The following SOX5 variants were observed in gnomAD, a reference collection of about 807,000 sequenced individuals.
SOX5 encodes transcription factor SOX-5.
A neutral mutation model predicts 92.0 loss-of-function variants in SOX5; 9 were observed. The observed-to-expected ratio is 0.10, with a 90% CI of 0.06 to 0.17. SOX5 has a LOEUF of 0.17. Ranked by LOEUF, SOX5 falls within the 10% of genes least tolerant of loss-of-function variation. The pLI is 1.00. For missense variants in SOX5, 642 were observed against 944.5 expected (o/e 0.68, Z 4.20); for synonymous variants, 344 against 336.3 (o/e 1.02, Z -0.25).
chr12:23,877,716 C>T (rs1453126634), intron 2 of SOX5, among the ~76,000 whole-genome samples: 1 of 152,018 alleles, frequency 6.6e-6, no homozygotes. Flanking sequence ...GAATTGCTTT[C>T]TAAATTGATT....
At chr12:23,571,413 A>T (rs143070101) in intron 10 of SOX5, among the ~76,000 whole-genome samples, 2 of 152,254 alleles carry the variant, frequency 1.3e-5, no homozygotes, top group African/African-American at 4.8e-5. Context: ...AATATGTCCC[A>T]AAGATATGCT....
chr12:23,795,236 A>G (rs1030044233), intron 3 of SOX5, among the ~76,000 whole-genome samples: 3 of 151,874 alleles, frequency 2.0e-5, no homozygotes, highest in African/African-American at 7.2e-5. Flanking sequence ...ATTTTTAAAA[A>G]CGGTAGATTC....
At position 24,102,240 on chromosome 12, in the gene SOX5, C is replaced by G. The variant is rs118122033; in HGVS notation, c.-2+111103G>C. On this transcript the variant is annotated intron_variant, in intron 4 of 4. Coordinates refer to the SOX5 transcript ENST00000446891. ...ATTGTGTCTTTTAACAGCTCATTGA[C>G]TAGAGGAGGAAAAAGTGATGGCAGT... is the stretch of plus-strand genomic sequence containing the variant. Among the ~76,000 whole-genome samples the G allele has an allele frequency of 3.4e-3, 523 of 152,164 alleles. 6 individuals carry two copies. Among genetic ancestry groups the G allele is most frequent in the East Asian group, 0.029 (149 of 5,172 alleles).
chr12:24,054,907 A>G (rs1217909982), intron 4 of SOX5, among the ~76,000 whole-genome samples: 6 of 152,192 alleles, frequency 3.9e-5, no homozygotes, highest in East Asian at 1.9e-4. Context: ...ACCAGTTACA[A>G]CTGTTATTTG....
intron 4 of SOX5, among the ~76,000 whole-genome samples, chr12:24,135,466 A>G (rs188803585): frequency 9.2e-5 from 14 of 152,338 alleles, no homozygotes; most frequent in Non-Finnish European, 1.8e-4. Flanking sequence ...TTAGCTGATT[A>G]GCCTTTTACA....
intron 4 of SOX5, among the ~76,000 whole-genome samples, chr12:24,009,146 C>G (rs1453676622): frequency 6.6e-6 from 1 of 152,178 alleles, no homozygotes; most frequent in Non-Finnish European, 1.5e-5. Flanking sequence ...CCCAGCCATG[C>G]CTTCAGATGA....
intron 6 of SOX5, among the ~76,000 whole-genome samples, chr12:23,730,061 A>T (rs2093332445): frequency 6.6e-6 from 1 of 152,136 alleles, no homozygotes; most frequent in African/African-American, 2.4e-5. Flanking sequence ...GAAACAGTGA[A>T]TCAGGTCAAG....
chr12:23,717,611 A>G (rs749616372), intron 6 of SOX5, among the ~76,000 whole-genome samples: 14 of 152,350 alleles, frequency 9.2e-5, no homozygotes, highest in Middle Eastern at 3.4e-3. Context: ...GATTGTAAAA[A>G]GAGAGCCTCA....
chr12:24,427,051 C>T (rs933936019), intron 1 of SOX5, among the ~76,000 whole-genome samples: 23 of 152,154 alleles, frequency 1.5e-4, no homozygotes, highest in African/African-American at 5.1e-4. Context: ...TGCCGTCTCA[C>T]TTGAGGAAGT....
chr12:23,612,309 A>G (rs2076062902), intron 8 of SOX5, among the ~76,000 whole-genome samples: 1 of 152,104 alleles, frequency 6.6e-6, no homozygotes, highest in Admixed American at 6.6e-5. Flanking sequence ...CAGGTCATTG[A>G]GATTTTTAAG....
intron 4 of SOX5, among the ~76,000 whole-genome samples, chr12:23,963,151 C>A (rs1005270811): frequency 1.3e-5 from 2 of 152,126 alleles, no homozygotes; most frequent in African/African-American, 2.4e-5. Context: ...TAAAAGAATA[C>A]TTTAATGGAT....
intron 6 of SOX5, among the ~76,000 whole-genome samples, chr12:23,722,346 C>T (rs989059162): frequency 1.3e-5 from 2 of 152,006 alleles, no homozygotes; most frequent in African/African-American, 4.8e-5. Context: ...AATATTTACA[C>T]AAGAAGGGAA....
At chr12:23,789,916 A>C (rs928149933) in intron 3 of SOX5, among the ~76,000 whole-genome samples, 9 of 152,170 alleles carry the variant, frequency 5.9e-5, no homozygotes, top group Non-Finnish European at 1.2e-4. Flanking sequence ...AGGAAAATGT[A>C]ACACTCCAGC....
chr12:23,839,990 CAAAAA>C (rs142394109), intron 3 of SOX5, among the ~76,000 whole-genome samples: 21 of 121,844 alleles, frequency 1.7e-4, no homozygotes, highest in Non-Finnish European at 2.1e-4. Flanking sequence ...CTCAAGAAGA[CAAAAA>C]AAAAAAAAAA....
At chr12:24,530,330 C>T (rs978435160) in intron 1 of SOX5, among the ~76,000 whole-genome samples, 2 of 152,166 alleles carry the variant, frequency 1.3e-5, no homozygotes, top group Non-Finnish European at 2.9e-5. Context: ...TAGATGATGT[C>T]GTCGGATCCT....
chr12:23,842,266 TTAG>T (rs1355176283), intron 3 of SOX5, among the ~76,000 whole-genome samples: 2 of 152,216 alleles, frequency 1.3e-5, no homozygotes, highest in Non-Finnish European at 2.9e-5. Flanking sequence ...TTAATGGTGG[TTAG>T]TAGGAGCCAT....
chr12:23,709,680 T>G (rs1037996959), intron 6 of SOX5, among the ~76,000 whole-genome samples: 1 of 152,196 alleles, frequency 6.6e-6, no homozygotes, highest in Non-Finnish European at 1.5e-5. Context: ...ATTTTTAATG[T>G]AATGACAGTT....
At chr12:24,513,301 T>C (rs1022505982) in intron 1 of SOX5, among the ~76,000 whole-genome samples, 1 of 152,272 alleles carries the variant, frequency 6.6e-6, no homozygotes, top group Non-Finnish European at 1.5e-5. Context: ...TATGGGGAAA[T>C]AACCCCATTG....
intron 4 of SOX5, among the ~76,000 whole-genome samples, chr12:24,043,579 T>A (rs1490838013): frequency 6.6e-6 from 1 of 152,212 alleles, no homozygotes; most frequent in African/African-American, 2.4e-5. Context: ...TCCCCAGAAA[T>A]TAAGGTAAGG....
Sources: gnomAD v4.1 joint callset for allele counts (sites outside exome capture counted in the v4.1 genomes callset) on GRCh38, gnomAD v4.1.1 for gene constraint, MANE v1.5 for transcripts, NCBI Gene and HGNC (gene_info 2026-07-23, HGNC 2026-07-21) for gene names.